ADCY9: variants seen among roughly 807,000 people sequenced by gnomAD.
ADCY9 encodes adenylate cyclase type 9.
ADCY9 carries 50 observed loss-of-function variants against 101.5 expected under a neutral mutation model. The ratio of observed to expected loss-of-function variants is 0.49; its 90% CI spans 0.39 to 0.62. ADCY9 has a LOEUF of 0.62. Among genes scored for constraint, ADCY9 ranks in the 20% least tolerant of loss-of-function variants. The pLI is 0.00. For synonymous variants in ADCY9, 905 were observed against 769.3 expected (o/e 1.18, Z -2.92); for missense variants, 1,662 against 1,800.4 (o/e 0.92, Z 1.39).
chr16:4,090,511 G>A (rs1194422626), intron 2 of ADCY9, among the ~76,000 whole-genome samples: 1 of 152,036 alleles, frequency 6.6e-6, no homozygotes, highest in Non-Finnish European at 1.5e-5. Context: ...AGGAAGTGCT[G>A]TGGGAACACT....
intron 2 of ADCY9, among the ~76,000 whole-genome samples, chr16:4,103,152 T>C (rs415760): frequency 0.89 from 135,779 of 152,300 alleles, 60,683 homozygotes; most frequent in East Asian, 1. Context: ...CCACAGGCAA[T>C]ATGTAATGGG....
rs535622174 is a variant in ADCY9, at chr16:4,014,449, T to A, written c.1694-6891A>T. ...GATCTTCTGCTTAACCAAAAAAAAA[T>A]TTTTTTGTTTTTTTTTGAGACAGAG... On this transcript the variant is annotated intron_variant, in intron 2 of 10. Transcript: ENST00000294016. Among the ~76,000 whole-genome samples the A allele has an allele frequency of 8.6e-4, 130 of 151,664 alleles. 1 individual carries two copies. Among genetic ancestry groups the A allele is most frequent in the African/African-American group, 2.3e-3 (94 of 41,356 alleles).
intron 3 of ADCY9, among the ~76,000 whole-genome samples, chr16:4,006,237 C>T (rs987404452): frequency 6.6e-6 from 1 of 152,258 alleles, no homozygotes; most frequent in South Asian, 2.1e-4. Flanking sequence ...ATGCTGCCAG[C>T]CATCTGACAG....
chr16:4,096,149 C>T (rs949757376), intron 2 of ADCY9, among the ~76,000 whole-genome samples: 1 of 152,068 alleles, frequency 6.6e-6, no homozygotes, highest in Non-Finnish European at 1.5e-5. Flanking sequence ...ATCTCACACA[C>T]GCCCTGCAAT....
chr16:3,987,830 C>G (rs138052205), intron 6 of ADCY9, among the ~76,000 whole-genome samples: 147 of 152,252 alleles, frequency 9.7e-4, no homozygotes, highest in African/African-American at 3.4e-3. Flanking sequence ...GGCATCCACT[C>G]TTGACTTGGG....
intron 2 of ADCY9, among the ~76,000 whole-genome samples, chr16:4,058,620 C>T (rs1394503711): frequency 6.6e-6 from 1 of 152,134 alleles, no homozygotes; most frequent in Non-Finnish European, 1.5e-5. Context: ...GGGGAAGTGA[C>T]TGATCCACTA....
intron 2 of ADCY9, among the ~76,000 whole-genome samples, chr16:4,068,757 C>T (rs2056815620): frequency 6.7e-6 from 1 of 150,120 alleles, no homozygotes; most frequent in African/African-American, 2.5e-5. Flanking sequence ...GCGGAGCTTG[C>T]AGTGAGCCAA....
intron 2 of ADCY9, among the ~76,000 whole-genome samples, chr16:4,019,436 A>T (rs1370192402): frequency 6.6e-6 from 1 of 152,204 alleles, no homozygotes; most frequent in Non-Finnish European, 1.5e-5. Context: ...ATCCCATTGA[A>T]GTTGTGGACT....
At chr16:3,991,221 A>C (rs560980564) in intron 5 of ADCY9, among the ~76,000 whole-genome samples, 17 of 152,342 alleles carry the variant, frequency 1.1e-4, no homozygotes, top group African/African-American at 4.1e-4. Context: ...TTTCTCACAG[A>C]TTGCTTATTA....
At chr16:4,080,718 G>GT (rs35038759) in intron 2 of ADCY9, among the ~76,000 whole-genome samples, 110,980 of 143,624 alleles carry the variant, frequency 0.77, 42,758 homozygotes, top group African/African-American at 0.8. Context: ...CATTTTTTTC[G>GT]TTTTTTTTTT....
chr16:4,049,640 C>T (rs2056687995), intron 2 of ADCY9, among the ~76,000 whole-genome samples: 1 of 152,164 alleles, frequency 6.6e-6, no homozygotes. Flanking sequence ...CCACATGAAA[C>T]TCACCTCCCG....
intron 2 of ADCY9, among the ~76,000 whole-genome samples, chr16:4,072,266 G>A (rs548190884): frequency 5.9e-5 from 9 of 152,336 alleles, no homozygotes; most frequent in African/African-American, 1.7e-4. Context: ...GGACTGTGGA[G>A]GCTGAAGTAG....
At chr16:4,092,759 G>A (rs2056981431) in intron 2 of ADCY9, among the ~76,000 whole-genome samples, 1 of 152,110 alleles carries the variant, frequency 6.6e-6, no homozygotes, top group Non-Finnish European at 1.5e-5. Flanking sequence ...CTAAAAACCT[G>A]CACAAAGGCT....
intron 5 of ADCY9, among the ~76,000 whole-genome samples, chr16:3,990,245 C>A (rs903256377): frequency 6.6e-6 from 1 of 152,120 alleles, no homozygotes; most frequent in East Asian, 1.9e-4. Context: ...GCAAGCGGAT[C>A]ACCTGAGGTC....
chr16:3,993,321 T>C, intron 4 of ADCY9, 85 bp downstream of exon 4: 3 of 1,576,028 alleles, frequency 1.9e-6, no homozygotes, highest in Non-Finnish European at 2.6e-6. Flanking sequence ...CTCTCAGAAC[T>C]AAGAAGTCGA....
intron 2 of ADCY9, 146 bp downstream of exon 2, chr16:4,113,604 G>A (rs2057127433): frequency 9.0e-7 from 1 of 1,105,866 alleles, no homozygotes; most frequent in Non-Finnish European, 1.3e-6. Context: ...TGAAAGAAAA[G>A]TCACACTGAC....
chr16:4,052,491 T>C (rs922075534), intron 2 of ADCY9, among the ~76,000 whole-genome samples: 3 of 152,190 alleles, frequency 2.0e-5, no homozygotes, highest in Admixed American at 2.0e-4. Context: ...GACAAACATG[T>C]CGGAATGTTA....
rs1223662427 is a variant in ADCY9, at chr16:3,974,919, T to G, written c.2829-209A>C. Among the ~76,000 whole-genome samples the G allele has an allele frequency of 2.6e-5, 4 of 152,160 alleles. No homozygotes were observed. The South Asian group carries it at 6.2e-4, about 24-fold the overall frequency. On this transcript the variant is annotated intron_variant, in intron 9 of 10. Coordinates refer to ENST00000294016, the MANE Select transcript of ADCY9 (RefSeq NM_001116.4). ...GGTAAAGCTGAGTTTACGTCTTTGT[T>G]TACCATCCCGCATCCTCTCTATCCT...
intron 7 of ADCY9, chr16:3,983,025 C>T (rs1428300227): frequency 1.7e-5 from 10 of 592,710 alleles, no homozygotes; most frequent in Admixed American, 6.1e-5. Context: ...CCCCCTCCAG[C>T]GAGGTGGTCC....
Sources: allele counts gnomAD v4.1 joint callset (sites outside exome capture counted in the v4.1 genomes callset), GRCh38; gene constraint gnomAD v4.1.1; transcripts MANE v1.5; gene names NCBI Gene and HGNC (gene_info 2026-07-23, HGNC 2026-07-21).